Variants in FAM167A observed in about 807,000 individuals in gnomAD.
The protein encoded by FAM167A is family with sequence similarity 167 member A, also known as protein FAM167A.
FAM167A carries 23 observed loss-of-function variants against 14.9 expected under a neutral mutation model. The observed-to-expected ratio is 1.55, with a 90% CI of 1.11 to 2.19. The LOEUF is 2.19. FAM167A is among the 30% of genes most tolerant of loss of function. The pLI is 0.00. For synonymous variants in FAM167A, 174 were observed against 117.7 expected (o/e 1.48, Z -3.10); for missense variants, 401 against 281.5 (o/e 1.42, Z -3.04).
chr8:11,433,201 T>G (rs988233293), intron 2 of FAM167A, among the ~76,000 whole-genome samples: 1 of 145,106 alleles, frequency 6.9e-6, no homozygotes, highest in Non-Finnish European at 1.5e-5. Context: ...ACTTAAAGTA[T>G]GATAAAAAAA....
rs577482093 is a variant in FAM167A at position 11,424,713 on chromosome 8, C to A, written c.382-77G>T. 5 of 1,553,014 alleles carry A rather than the reference C, an allele frequency of 3.2e-6. No individual in the cohort carries two copies. In the Admixed American group the frequency reaches 7.2e-5, roughly 23 times the overall value. On this transcript the variant is annotated intron_variant, in intron 2 of 2. Transcript: ENST00000284486. ...GACAGGCACAGACTGGTTAGCAGGG[C>A]CCTGACTAATGTCTTAGTTCATTAA...
chr8:11,469,845 A>T (rs1477550738), upstream of FAM167A, among the ~76,000 whole-genome samples: 1 of 151,958 alleles, frequency 6.6e-6, no homozygotes, highest in African/African-American at 2.4e-5. Context: ...GCACCACCGC[A>T]CTCCAGCCTG....
At position 11,422,735 on chromosome 8, in the gene FAM167A, T is replaced by C. The variant is rs1470265506; in HGVS notation, c.*1638A>G. 6.6e-6 allele frequency: 1 copy of C among 152,212 alleles called. No individual in the cohort carries two copies. Among genetic ancestry groups the C allele is most frequent in the African/African-American group, 2.4e-5 (1 of 41,436 alleles). The allele number at this position is 152,212 out of a possible 1,614,324, so 9.4% of individuals were successfully genotyped here. A position where few individuals can be genotyped will look rare whatever the true frequency, so the allele number is the denominator to read the frequency against. On this transcript the variant is annotated 3_prime_UTR_variant, in exon 3 of 3. Transcript: ENST00000284486. ...AACCTCTCCCCTATGTGGGTCACGA[T>C]GTGTGGGTGGACACGGGCCCCACTG...
At chr8:11,429,594 C>G (rs1013311918) in intron 2 of FAM167A, among the ~76,000 whole-genome samples, 2 of 152,234 alleles carry the variant, frequency 1.3e-5, no homozygotes, top group Admixed American at 1.3e-4. Flanking sequence ...AGGAAACTGT[C>G]TCAGAGAAGT....
intron 1 of FAM167A, among the ~76,000 whole-genome samples, chr8:11,459,874 CCCA>C (rs1409415357): frequency 6.6e-6 from 1 of 152,206 alleles, no homozygotes; most frequent in African/African-American, 2.4e-5. Context: ...CACCACCACA[CCCA>C]CCACCACACC....
At chr8:11,445,663 G>C (rs73209219) in intron 1 of FAM167A, 50 of 965,408 alleles carry the variant, frequency 5.2e-5, no homozygotes, top group Admixed American at 6.1e-5. Flanking sequence ...CATAACATCA[G>C]ACACAGGGTA....
At chr8:11,451,252 G>C (rs950395332) in intron 1 of FAM167A, among the ~76,000 whole-genome samples, 2 of 152,228 alleles carry the variant, frequency 1.3e-5, no homozygotes, top group African/African-American at 4.8e-5. Context: ...GGAGAGCAAA[G>C]CCAAGCCGAC....
At chr8:11,441,604 C>T (rs2117073219) in intron 2 of FAM167A, among the ~76,000 whole-genome samples, 1 of 152,316 alleles carries the variant, frequency 6.6e-6, no homozygotes, top group East Asian at 1.9e-4. Flanking sequence ...ACGAGCCTCA[C>T]CTGCTACCTC....
intron 1 of FAM167A, among the ~76,000 whole-genome samples, chr8:11,465,845 C>A (rs1410032228): frequency 6.6e-6 from 1 of 152,206 alleles, no homozygotes; most frequent in African/African-American, 2.4e-5. Flanking sequence ...AACCTGCTTG[C>A]AGGCATACGG....
chr8:11,441,127 A>G (rs908475107), intron 2 of FAM167A, among the ~76,000 whole-genome samples: 7 of 152,148 alleles, frequency 4.6e-5, no homozygotes, highest in African/African-American at 1.7e-4. Context: ...AATCTTCTGA[A>G]TGAGTGTGGT....
At chr8:11,430,897 C>T (rs1805535264) in intron 2 of FAM167A, among the ~76,000 whole-genome samples, 1 of 152,162 alleles carries the variant, frequency 6.6e-6, no homozygotes. Flanking sequence ...TGGGGGGTCT[C>T]TCTGGACCTG....
At chr8:11,466,328 C>T (rs1299343704) in intron 1 of FAM167A, among the ~76,000 whole-genome samples, 2 of 152,264 alleles carry the variant, frequency 1.3e-5, no homozygotes, top group Non-Finnish European at 2.9e-5. Context: ...ACGGCAGACC[C>T]CGAACCTCCA....
intron 2 of FAM167A, among the ~76,000 whole-genome samples, chr8:11,428,901 T>A (rs185293606): frequency 6.6e-6 from 1 of 152,264 alleles, no homozygotes; most frequent in East Asian, 1.9e-4. Flanking sequence ...TCTGAAGAAA[T>A]CTGAGCAAAA....
chr8:11,472,188 T>A (rs923447154), upstream of FAM167A, among the ~76,000 whole-genome samples: 1 of 152,216 alleles, frequency 6.6e-6, no homozygotes, highest in African/African-American at 2.4e-5. Flanking sequence ...GCTGGTTTGT[T>A]TAAGGAGCAG....
chr8:11,470,698 G>A (rs62489067), upstream of FAM167A, among the ~76,000 whole-genome samples: 871 of 152,278 alleles, frequency 5.7e-3, 1 homozygote, highest in Non-Finnish European at 9.9e-3. Context: ...TTTCTGTTGG[G>A]CTCTGTGGGA....
chr8:11,463,620 C>T (rs897033500), intron 1 of FAM167A, among the ~76,000 whole-genome samples: 1 of 152,186 alleles, frequency 6.6e-6, no homozygotes, highest in Non-Finnish European at 1.5e-5. Flanking sequence ...CTGACCTGGG[C>T]CTGTCCCTCT....
At chr8:11,438,333 C>G (rs188089927) in intron 2 of FAM167A, 2 of 424,384 alleles carry the variant, frequency 4.7e-6, no homozygotes, top group African/African-American at 2.0e-5. Flanking sequence ...CCAGCAGCCC[C>G]AACTCATCAG....
intron 2 of FAM167A, among the ~76,000 whole-genome samples, chr8:11,436,713 G>T (rs1224894846): frequency 6.6e-6 from 1 of 152,212 alleles, no homozygotes; most frequent in Non-Finnish European, 1.5e-5. Flanking sequence ...GTGCCCTGGG[G>T]TCACCTGAGA....
intron 2 of FAM167A, 125 bp from the exon 3 acceptor site, chr8:11,424,761 CA>C: frequency 7.3e-7 from 1 of 1,362,486 alleles, no homozygotes; most frequent in Non-Finnish European, 9.9e-7. Flanking sequence ...GAAATATTAG[CA>C]CTTTCCCTGC....
Sources: allele counts gnomAD v4.1 joint callset (sites outside exome capture counted in the v4.1 genomes callset), GRCh38; gene constraint gnomAD v4.1.1; transcripts MANE v1.5; gene names NCBI Gene and HGNC (gene_info 2026-07-23, HGNC 2026-07-21).